The following DOCK4 variants were observed in gnomAD, a reference collection of about 807,000 sequenced individuals.
DOCK4 encodes the protein dedicator of cytokinesis protein 4.
DOCK4 carries 97 observed loss-of-function variants against 268.1 expected under a neutral mutation model. That is an observed-to-expected ratio of 0.36 (90% confidence interval 0.31 to 0.43). The LOEUF is 0.43. Among genes scored for constraint, DOCK4 ranks in the 20% least tolerant of loss-of-function variants. DOCK4 has a pLI of 1.00. For synonymous variants in DOCK4, 954 were observed against 887.2 expected (o/e 1.08, Z -1.34); for missense variants, 2,145 against 2,455.7 (o/e 0.87, Z 2.67).
At chr7:111,792,586 T>G (rs1799624559) in intron 30 of DOCK4, among the ~76,000 whole-genome samples, 1 of 152,176 alleles carries the variant, frequency 6.6e-6, no homozygotes, top group African/African-American at 2.4e-5. Flanking sequence ...TTTTACCATG[T>G]TGCCCAGGCT....
chr7:111,782,416 A>T (rs1798839095), intron 35 of DOCK4, among the ~76,000 whole-genome samples: 1 of 152,232 alleles, frequency 6.6e-6, no homozygotes, highest in South Asian at 2.1e-4. Context: ...ATTTGTTCAC[A>T]AAAGAAGAGA....
rs763782984 is a variant in DOCK4 at position 111,900,522 on chromosome 7, G to T, written c.1332C>A (p.Phe444Leu). Reference sequence around the variant, plus strand: ...CACTGGCTGGTGGCTCCCCAGAGCCGAAGGAGATAAAATCCTAACAAAGGG... The same window carrying T: ...CACTGGCTGGTGGCTCCCCAGAGCCTAAGGAGATAAAATCCTAACAAAGGG... ...SGQTLKDFIS[F>L]GSGEPPASEY... The change falls in exon 15 of 53, where the codon TTC becomes TTA. Residue 444 changes from phenylalanine (F) to leucine (L), a missense_variant. By Grantham distance (22) the Phe-to-Leu change is conservative. Transcript: ENST00000428084. The T allele has an allele frequency of 5.5e-5, 89 of 1,610,456 alleles. No homozygotes were observed. The highest frequency in any genetic ancestry group is 7.3e-5 in the Non-Finnish European group (86 of 1,178,476).
chr7:111,953,948 G>C (rs1433057385), intron 8 of DOCK4, among the ~76,000 whole-genome samples: 1 of 152,114 alleles, frequency 6.6e-6, no homozygotes, highest in Non-Finnish European at 1.5e-5. Context: ...GTTTGGTCTT[G>C]TCATTTCTCC....
At chr7:111,823,518 T>C (rs534779069) in intron 26 of DOCK4, among the ~76,000 whole-genome samples, 1 of 152,216 alleles carries the variant, frequency 6.6e-6, no homozygotes, top group South Asian at 2.1e-4. Flanking sequence ...GGTATATTGC[T>C]TCCTTCAACA....
chr7:111,920,947 T>G (rs1238278768), intron 12 of DOCK4, among the ~76,000 whole-genome samples: 1 of 151,720 alleles, frequency 6.6e-6, no homozygotes, highest in Non-Finnish European at 1.5e-5. Context: ...CTGAATTTCA[T>G]AAAATTAAAA....
chr7:111,895,561 T>C, intron 16 of DOCK4, 51 bp downstream of exon 16: 1 of 1,469,214 alleles, frequency 6.8e-7, no homozygotes, highest in Non-Finnish European at 9.5e-7. Context: ...AGTGAGGTGT[T>C]ATTTCAGCAC....
intron 26 of DOCK4, among the ~76,000 whole-genome samples, chr7:111,829,413 CG>C (rs1437604801): frequency 2.0e-5 from 3 of 152,012 alleles, no homozygotes; most frequent in African/African-American, 7.2e-5. Flanking sequence ...AATCTCATGG[CG>C]GGGGAGGCAG....
intron 12 of DOCK4, among the ~76,000 whole-genome samples, chr7:111,934,972 A>G (rs1234304498): frequency 6.6e-6 from 1 of 150,620 alleles, no homozygotes. Flanking sequence ...TTTGAGACAG[A>G]GTCTTACTGT....
At chr7:111,806,492 G>A (rs1258903019) in intron 30 of DOCK4, among the ~76,000 whole-genome samples, 1 of 152,192 alleles carries the variant, frequency 6.6e-6, no homozygotes, top group Non-Finnish European at 1.5e-5. Context: ...ACCAAGGAAT[G>A]AAGTAAAAAT....
chr7:111,775,157 C>CA (rs2133709875), intron 36 of DOCK4, among the ~76,000 whole-genome samples: 1 of 152,260 alleles, frequency 6.6e-6, no homozygotes, highest in South Asian at 2.1e-4. Flanking sequence ...CTAGAAAAGT[C>CA]AAAGATACAT....
intron 1 of DOCK4, among the ~76,000 whole-genome samples, chr7:112,053,907 G>A (rs975441924): frequency 3.9e-5 from 6 of 152,206 alleles, no homozygotes; most frequent in Admixed American, 3.9e-4. Context: ...GGTTGCTGAG[G>A]AGGCAAACAA....
intron 44 of DOCK4, among the ~76,000 whole-genome samples, chr7:111,743,697 T>C (rs1352616577): frequency 6.6e-6 from 1 of 152,158 alleles, no homozygotes; most frequent in Non-Finnish European, 1.5e-5. Context: ...TACCTTGGGA[T>C]TGATGCCTGT....
intron 46 of DOCK4, 71 bp downstream of exon 46, chr7:111,741,469 G>A: frequency 6.4e-7 from 1 of 1,568,596 alleles, no homozygotes; most frequent in African/African-American, 1.4e-5. Flanking sequence ...GTGCCATAAA[G>A]AATGAGAGAA....
intron 34 of DOCK4, 22 bp downstream of exon 34, chr7:111,783,835 A>C (rs1430962190): frequency 6.3e-7 from 1 of 1,578,602 alleles, no homozygotes. Context: ...TGGAGTTCAG[A>C]AAAACATGCG....
chr7:111,746,780 A>G (rs1439250237), intron 43 of DOCK4, among the ~76,000 whole-genome samples: 1 of 150,048 alleles, frequency 6.7e-6, no homozygotes, highest in Non-Finnish European at 1.5e-5. Flanking sequence ...TGAAAGGTCC[A>G]CTTAAAGTAT....
chr7:111,730,396 G>T (rs17158768), intron 52 of DOCK4, among the ~76,000 whole-genome samples: 7 of 152,186 alleles, frequency 4.6e-5, no homozygotes, highest in Admixed American at 1.3e-4. Flanking sequence ...GTGTTCTATG[G>T]TATACACTTT....
chr7:112,174,060 C>T (rs886435729), intron 1 of DOCK4, among the ~76,000 whole-genome samples: 10 of 151,736 alleles, frequency 6.6e-5, no homozygotes, highest in African/African-American at 2.4e-4. Flanking sequence ...CAATTCCCTC[C>T]TGAGTCTCCA....
At chr7:112,147,288 C>T (rs1815602828) in intron 1 of DOCK4, among the ~76,000 whole-genome samples, 1 of 152,132 alleles carries the variant, frequency 6.6e-6, no homozygotes, top group South Asian at 2.1e-4. Flanking sequence ...TTCTAAATGG[C>T]AAGTAAAATA....
chr7:111,878,076 G>C (rs987091234), intron 16 of DOCK4, among the ~76,000 whole-genome samples: 4 of 152,164 alleles, frequency 2.6e-5, no homozygotes, highest in African/African-American at 9.7e-5. Context: ...ACAAGAGATA[G>C]AGCAACATGT....
Sources: allele counts gnomAD v4.1 joint callset (sites outside exome capture counted in the v4.1 genomes callset), GRCh38; gene constraint gnomAD v4.1.1; transcripts MANE v1.5; gene names NCBI Gene and HGNC (gene_info 2026-07-23, HGNC 2026-07-21).